Variants in NBEAL1 observed in about 807,000 individuals in gnomAD.
NBEAL1 encodes the protein neurobeachin like 1.
NBEAL1 carries 273 observed loss-of-function variants against 351.3 expected under a neutral mutation model. That is an observed-to-expected ratio of 0.78 (90% confidence interval 0.70 to 0.86). The LOEUF is 0.86. Among genes scored for constraint, NBEAL1 ranks in the 40% least tolerant of loss-of-function variants. NBEAL1 has a pLI of 0.00. For missense variants in NBEAL1, 2,961 were observed against 3,201.3 expected (o/e 0.92, Z 1.81); for synonymous variants, 1,050 against 1,086.4 (o/e 0.97, Z 0.66).
rs1178347386 is a variant in NBEAL1 at position 203,060,065 on chromosome 2, T to G, written c.515+2612T>G. On this transcript the variant is annotated intron_variant, in intron 6 of 55. Transcript: ENST00000683969. Reference sequence around the variant, plus strand: ...AGCAATGGCAAATCTAAGAGAACATTTTAAGTTTTGAAACAATGACATAAT... The same window carrying G: ...AGCAATGGCAAATCTAAGAGAACATGTTAAGTTTTGAAACAATGACATAAT... Among the ~76,000 whole-genome samples the G allele has an allele frequency of 3.3e-5, 5 of 152,310 alleles. No individual in the cohort carries two copies. The East Asian group carries it at 9.6e-4, about 29-fold the overall frequency.
At chr2:203,024,810 C>T (rs149533646) in intron 2 of NBEAL1, among the ~76,000 whole-genome samples, 48 of 151,948 alleles carry the variant, frequency 3.2e-4, no homozygotes, top group East Asian at 2.5e-3. Flanking sequence ...TGTAGTGAGC[C>T]GAGATCGCAC....
chr2:203,203,014 A>G (rs1378515003), intron 51 of NBEAL1, among the ~76,000 whole-genome samples: 1 of 152,104 alleles, frequency 6.6e-6, no homozygotes, highest in East Asian at 1.9e-4. Context: ...TACCTTTCCT[A>G]GGAAAACGGG....
intron 31 of NBEAL1, among the ~76,000 whole-genome samples, chr2:203,141,009 TA>T (rs2106326984): frequency 6.6e-6 from 1 of 151,774 alleles, no homozygotes; most frequent in East Asian, 1.9e-4. Flanking sequence ...TTAATTAAAA[TA>T]AAATACAGAA....
At position 203,102,848 on chromosome 2, in the gene NBEAL1, T is replaced by C. The variant is rs1408224647; in HGVS notation, c.1269+3136T>C. Among the ~76,000 whole-genome samples the C allele has an allele frequency of 2.0e-5, 3 of 152,326 alleles. No individual in the cohort carries two copies. In the East Asian group the frequency reaches 5.8e-4, roughly 29 times the overall value. On this transcript the variant is annotated intron_variant, in intron 12 of 55. Transcript: ENST00000683969. Reference sequence around the variant, plus strand: ...GAAGGAGTTAGAAAGGAGTCCTTCCTCCTCAATTTTTTGGAAAAGTTTCAG... The same window carrying C: ...GAAGGAGTTAGAAAGGAGTCCTTCCCCCTCAATTTTTTGGAAAAGTTTCAG...
intron 23 of NBEAL1, 42 bp downstream of exon 23, chr2:203,126,968 C>T: frequency 1.5e-6 from 2 of 1,321,584 alleles, no homozygotes; most frequent in Admixed American, 4.1e-5. Context: ...ATATTATTTT[C>T]TGTCTGCTAC....
intron 3 of NBEAL1, among the ~76,000 whole-genome samples, chr2:203,045,830 C>G (rs1170515467): frequency 1.3e-5 from 2 of 152,074 alleles, no homozygotes; most frequent in Non-Finnish European, 2.9e-5. Context: ...TTAGGGAGCT[C>G]CATTCAGATT....
intron 44 of NBEAL1, among the ~76,000 whole-genome samples, chr2:203,184,063 G>C (rs1386311495): frequency 7.4e-6 from 1 of 135,150 alleles, no homozygotes; most frequent in African/African-American, 2.8e-5. Flanking sequence ...AGGCGACAGA[G>C]CGAGACTGTC....
chr2:203,097,073 G>T, intron 10 of NBEAL1, among the ~76,000 whole-genome samples: 1 of 152,286 alleles, frequency 6.6e-6, no homozygotes, highest in East Asian at 1.9e-4. Flanking sequence ...CTCACATGGC[G>T]TCAGACAAGA....
At chr2:203,112,238 C>A (rs889274116) in intron 16 of NBEAL1, 140 bp downstream of exon 16, 2 of 780,442 alleles carry the variant, frequency 2.6e-6, no homozygotes, top group South Asian at 5.0e-5. Flanking sequence ...AGACTCCACA[C>A]ATTAATATTC....
chr2:203,185,021 G>A (rs2105753184), intron 44 of NBEAL1, among the ~76,000 whole-genome samples: 1 of 152,306 alleles, frequency 6.6e-6, no homozygotes, highest in South Asian at 2.1e-4. Flanking sequence ...TAAAGGTAAA[G>A]TGAGGAAGTT....
Position 203,136,588 on chromosome 2 carries a change from A to AT in NBEAL1, c.4390-7dup, listed in dbSNP as rs1559394478. On this transcript the variant is annotated splice_polypyrimidine_tract_variant and intron_variant, in intron 28 of 55. Coordinates refer to ENST00000683969, the MANE Select transcript of NBEAL1 (RefSeq NM_001378026.1). ...CTCTAGTTATTTAAAATTACTTTAT[A>AT]TTTTCCATAGAGATGTGAGGAGGAG... The AT allele has an allele frequency of 6.3e-7, 1 of 1,585,340 alleles. No individual in the cohort carries two copies. The highest frequency in any genetic ancestry group is 2.2e-5 in the East Asian group (1 of 44,634).
intron 4 of NBEAL1, chr2:203,052,397 C>G (rs2061338530): frequency 6.6e-6 from 1 of 152,596 alleles, no homozygotes; most frequent in Non-Finnish European, 1.5e-5. Flanking sequence ...CAGCAGTACC[C>G]ATTCTCATCT....
chr2:203,157,349 A>G (rs2063822123), intron 35 of NBEAL1, among the ~76,000 whole-genome samples: 1 of 152,112 alleles, frequency 6.6e-6, no homozygotes, highest in African/African-American at 2.4e-5. Flanking sequence ...AAATGGTTCT[A>G]TTACATTAAT....
intron 36 of NBEAL1, among the ~76,000 whole-genome samples, chr2:203,161,409 T>C (rs1196194029): frequency 6.6e-6 from 1 of 150,598 alleles, no homozygotes; most frequent in Non-Finnish European, 1.5e-5. Flanking sequence ...GGCAGGTGGA[T>C]CACAAGGTTA....
chr2:203,162,480 C>T (rs1478179066), intron 36 of NBEAL1, among the ~76,000 whole-genome samples: 1 of 152,010 alleles, frequency 6.6e-6, no homozygotes, highest in Non-Finnish European at 1.5e-5. Context: ...GGCATGGTGG[C>T]CCTCAATTTG....
intron 10 of NBEAL1, among the ~76,000 whole-genome samples, chr2:203,095,611 C>A (rs766900403): frequency 6.6e-6 from 1 of 151,768 alleles, no homozygotes; most frequent in Non-Finnish European, 1.5e-5. Context: ...TTTAAAGATT[C>A]TTCTTACGGA....
intron 8 of NBEAL1, among the ~76,000 whole-genome samples, chr2:203,082,536 C>T (rs2061891736): frequency 6.6e-6 from 1 of 152,150 alleles, no homozygotes; most frequent in East Asian, 1.9e-4. Context: ...TTCTTCTGGT[C>T]ACCTTGACAT....
At position 203,138,168 on chromosome 2, in the gene NBEAL1, A is replaced by G. The variant is rs372641784; in HGVS notation, c.4572A>G (p.Leu1524=). Residue 1524 remains leucine (L), a synonymous_variant, in exon 30 of 56, where the codon CTA becomes CTG. Coordinates refer to ENST00000683969, the MANE Select transcript of NBEAL1 (RefSeq NM_001378026.1). The part of the protein sequence containing the change: ...RPSDEIKLTL[L]QKMLEWAISE... ...GACTTTGTTTTCCATTTAGTTTGCT[A>G]CAAAAGATGTTAGAATGGGCAATCT... 1.8e-5 allele frequency: 29 copies of G among 1,613,390 alleles called. No individual in the cohort carries two copies. The highest frequency in any genetic ancestry group is 4.4e-5 in the South Asian group (4 of 90,870).
In NBEAL1 at chr2:203,175,136, T is replaced by C; in HGVS notation, c.6324-11T>C. On this transcript the variant is annotated splice_polypyrimidine_tract_variant and intron_variant, in intron 41 of 55. Transcript: ENST00000683969. ...TTGTGGTTTTAAAACTTTAGGATTT[T>C]TTCCCCACAGATATGAAAATTTTGA... 1 of 1,605,154 alleles carries C rather than the reference T, an allele frequency of 6.2e-7. No individual in the cohort carries two copies. Among genetic ancestry groups the C allele is most frequent in the Non-Finnish European group, 8.5e-7 (1 of 1,175,412 alleles).
Sources: gnomAD v4.1 joint callset for allele counts (sites outside exome capture counted in the v4.1 genomes callset) on GRCh38, gnomAD v4.1.1 for gene constraint, MANE v1.5 for transcripts, NCBI Gene and HGNC (gene_info 2026-07-23, HGNC 2026-07-21) for gene names.